The following AGBL4 variants were observed in gnomAD, a reference collection of about 807,000 sequenced individuals.
AGBL4 encodes cytosolic carboxypeptidase 6.
AGBL4 carries 58 observed loss-of-function variants against 66.4 expected under a neutral mutation model. That is an observed-to-expected ratio of 0.87 (90% confidence interval 0.71 to 1.09). The LOEUF is 1.09. Ranked by LOEUF, AGBL4 falls within the 50% of genes least tolerant of loss-of-function variation. The pLI is 0.00. For synonymous variants in AGBL4, 234 were observed against 222.9 expected (o/e 1.05, Z -0.44); for missense variants, 579 against 631.0 (o/e 0.92, Z 0.88).
intron 3 of AGBL4, among the ~76,000 whole-genome samples, chr1:49,438,700 C>T (rs1645959284): frequency 6.6e-6 from 1 of 152,102 alleles, no homozygotes; most frequent in Non-Finnish European, 1.5e-5. Context: ...TATCTGAGTC[C>T]TTGAGACTCT....
chr1:49,252,276 T>C (rs775865909), intron 3 of AGBL4, among the ~76,000 whole-genome samples: 4 of 151,940 alleles, frequency 2.6e-5, no homozygotes, highest in Admixed American at 1.3e-4. Context: ...CAAGTATTAA[T>C]AGCAGAACAG....
chr1:49,672,046 T>C lies in AGBL4; in HGVS notation c.282+25267A>G, dbSNP rs528213057. Among the ~76,000 whole-genome samples the C allele has an allele frequency of 2.0e-5, 3 of 152,312 alleles. No homozygotes were observed. In the South Asian group the frequency reaches 6.2e-4, roughly 32 times the overall value. The stretch of plus-strand genomic sequence containing the variant: ...AAGACATATGCATGTAAATGTTCAC[T>C]GTAGCACTGTTCACAATAGCACAGA... On this transcript the variant is annotated intron_variant, in intron 3 of 13. Coordinates refer to ENST00000371839, the MANE Select transcript of AGBL4 (RefSeq NM_032785.4).
chr1:48,633,945 T>C (rs961937288), intron 9 of AGBL4, among the ~76,000 whole-genome samples: 1 of 152,244 alleles, frequency 6.6e-6, no homozygotes, highest in African/African-American at 2.4e-5. Flanking sequence ...TCCTTGCATA[T>C]TCTTGTCTTC....
intron 1 of AGBL4, among the ~76,000 whole-genome samples, chr1:49,937,749 A>C (rs984691724): frequency 6.6e-6 from 1 of 152,218 alleles, no homozygotes; most frequent in Non-Finnish European, 1.5e-5. Flanking sequence ...TACTGGGTAC[A>C]TAATGAAATG....
At chr1:49,961,966 G>A (rs2148345109) in intron 1 of AGBL4, among the ~76,000 whole-genome samples, 1 of 152,144 alleles carries the variant, frequency 6.6e-6, no homozygotes, top group East Asian at 1.9e-4. Context: ...AATTCTTTTG[G>A]AGATCAAGTA....
chr1:49,925,048 C>A (rs1203699596), intron 1 of AGBL4, among the ~76,000 whole-genome samples: 1 of 152,172 alleles, frequency 6.6e-6, no homozygotes, highest in Non-Finnish European at 1.5e-5. Flanking sequence ...CAGTGAAACA[C>A]CAGCGAGGTG....
At chr1:49,399,921 GTCCAAT>G (rs1645048240) in intron 3 of AGBL4, among the ~76,000 whole-genome samples, 1 of 152,010 alleles carries the variant, frequency 6.6e-6, no homozygotes, top group African/African-American at 2.4e-5. Context: ...AAACTCTCCA[GTCCAAT>G]GTCCTGGAGA....
chr1:49,327,521 C>A (rs1645249714), intron 3 of AGBL4, among the ~76,000 whole-genome samples: 1 of 152,176 alleles, frequency 6.6e-6, no homozygotes, highest in Non-Finnish European at 1.5e-5. Flanking sequence ...AAGGCCCCAA[C>A]AAGAATGGGG....
chr1:49,149,082 A>G (rs1219982862), intron 4 of AGBL4, among the ~76,000 whole-genome samples: 1 of 152,102 alleles, frequency 6.6e-6, no homozygotes, highest in African/African-American at 2.4e-5. Context: ...TTGCCCATCT[A>G]TGTTCTAATC....
intron 5 of AGBL4, among the ~76,000 whole-genome samples, chr1:48,877,969 A>T (rs1457998795): frequency 6.6e-6 from 1 of 152,202 alleles, no homozygotes; most frequent in Non-Finnish European, 1.5e-5. Context: ...CGCATCTCTA[A>T]AATGAGGACT....
At position 49,947,636 on chromosome 1, in the gene AGBL4, G is replaced by T. The variant is rs1191891620; in HGVS notation, c.34+76127C>A. ...GCATTCCCTCTGAGAACTGGAACAA[G>T]ACAAGGATGCCCACTCTCACCACTT... is the stretch of plus-strand genomic sequence containing the variant. On this transcript the variant is annotated intron_variant, in intron 1 of 13. Transcript: ENST00000371839. 2.6e-5 allele frequency among the ~76,000 whole-genome samples: 4 copies of T among 151,640 alleles called. No individual in the cohort carries two copies. The East Asian group carries it at 7.8e-4, about 30-fold the overall frequency.
chr1:48,603,426 C>T (rs1036579430), intron 9 of AGBL4, among the ~76,000 whole-genome samples: 3 of 152,066 alleles, frequency 2.0e-5, no homozygotes, highest in East Asian at 1.9e-4. Context: ...GCCGAGATTG[C>T]GCCACAGCAC....
intron 5 of AGBL4, among the ~76,000 whole-genome samples, chr1:49,009,993 A>G (rs12756843): frequency 6.6e-6 from 1 of 151,932 alleles, no homozygotes; most frequent in African/African-American, 2.4e-5. Flanking sequence ...CTCTCTCACC[A>G]CTCCTATTCA....
At chr1:49,151,268 C>CA (rs1206937422) in intron 4 of AGBL4, among the ~76,000 whole-genome samples, 6,461 of 126,624 alleles carry the variant, frequency 0.051, 200 homozygotes, top group African/African-American at 0.074. Flanking sequence ...GACTCCGTCT[C>CA]AAAAAAAAAA....
intron 4 of AGBL4, among the ~76,000 whole-genome samples, chr1:49,116,992 T>A (rs1385160077): frequency 6.6e-6 from 1 of 152,234 alleles, no homozygotes; most frequent in African/African-American, 2.4e-5. Context: ...CATTTTTTCA[T>A]GTGTCTGTTG....
chr1:49,936,025 G>T (rs953518380), intron 1 of AGBL4, among the ~76,000 whole-genome samples: 35 of 152,148 alleles, frequency 2.3e-4, no homozygotes, highest in African/African-American at 8.0e-4. Context: ...GGCTTCAGAC[G>T]ATCAAACTAC....
intron 4 of AGBL4, among the ~76,000 whole-genome samples, chr1:49,201,829 G>A (rs1647726571): frequency 6.6e-6 from 1 of 151,998 alleles, no homozygotes; most frequent in African/African-American, 2.4e-5. Context: ...GTTAGACTTG[G>A]TAAATTTAAA....
At chr1:49,584,108 T>C (rs1009886602) in intron 3 of AGBL4, among the ~76,000 whole-genome samples, 1 of 152,204 alleles carries the variant, frequency 6.6e-6, no homozygotes, top group Non-Finnish European at 1.5e-5. Flanking sequence ...AGGAGACCCA[T>C]GTTTGAATTC....
chr1:49,870,646 A>G (rs1646816484), intron 1 of AGBL4, among the ~76,000 whole-genome samples: 1 of 151,864 alleles, frequency 6.6e-6, no homozygotes, highest in Non-Finnish European at 1.5e-5. Flanking sequence ...TCAACAACAA[A>G]AAGCAAGCCA....
Sources: allele counts gnomAD v4.1 joint callset (sites outside exome capture counted in the v4.1 genomes callset), GRCh38; gene constraint gnomAD v4.1.1; transcripts MANE v1.5; gene names NCBI Gene and HGNC (gene_info 2026-07-23, HGNC 2026-07-21).